DISC1: variants seen among roughly 807,000 people sequenced by gnomAD.
DISC1 encodes the protein DISC1 scaffold protein.
A neutral mutation model predicts 84.5 loss-of-function variants in DISC1; 57 were observed. The observed-to-expected ratio is 0.67, with a 90% CI of 0.55 to 0.84. The LOEUF (loss-of-function observed/expected upper bound fraction) is 0.84. DISC1 is among the 40% of genes least tolerant of loss of function. The pLI is 0.00. For synonymous variants in DISC1, 411 were observed against 415.2 expected, an observed-to-expected ratio of 0.99 and a Z score of 0.12; for missense variants, 1,000 against 1,057.8, an observed-to-expected ratio of 0.95 and a Z score of 0.76.
At chr1:231,791,594 T>C (rs1335473138) in intron 6 of DISC1, among the ~76,000 whole-genome samples, 1 of 152,214 alleles carries the variant, frequency 6.6e-6, no homozygotes, top group African/African-American at 2.4e-5. Context: ...AAGATACTCA[T>C]TTGGGTAAAT....
Position 231,800,118 on chromosome 1 carries a change from G to C in DISC1, c.1700G>C (p.Ser567Thr). ...LKEITTKVCM[S>T]EKFCSTLRKK... ...TTTCTCTCCCCCTAGGTGTGTATGA[G>C]TGAGAAATTCTGCAGCACCCTGAGG... The change falls in exon 8 of 13, where the codon AGT becomes ACT. Residue 567 changes from serine to threonine, a missense_variant. Transcript: ENST00000439617. 1 of 1,611,022 alleles carries C rather than the reference G, an allele frequency of 6.2e-7. No homozygotes were observed. Among genetic ancestry groups the C allele is most frequent in the South Asian group, 1.1e-5 (1 of 90,998 alleles).
Position 232,039,632 on chromosome 1 carries a change from T to G in DISC1, c.*2801T>G, listed in dbSNP as rs936714438. 3 of 152,142 alleles carry G rather than the reference T, an allele frequency of 2.0e-5. No individual in the cohort carries two copies. The highest frequency in any genetic ancestry group is 2.9e-5 in the Non-Finnish European group (2 of 68,028). The allele number at this position is 152,142 out of a possible 1,614,324, so 9.4% of individuals were successfully genotyped here. A position where few individuals can be genotyped will look rare whatever the true frequency, so the allele number is the denominator to read the frequency against. On this transcript the variant is annotated 3_prime_UTR_variant, in exon 13 of 13. Transcript: ENST00000439617. ...CCTTCTCAGGACAAGCCCACTGTCTTAAGCCACTTTGACCCTGGGAGACAC... is the reference window on the plus strand; with the variant it reads ...CCTTCTCAGGACAAGCCCACTGTCTGAAGCCACTTTGACCCTGGGAGACAC...
rs201177909 is a variant in DISC1, at chr1:232,031,266, TAAAG to T, written c.2425+4722_2425+4725del. ...GGAAGGAAGGAAGGAGAAAGAAAGA[TAAAG>T]AAAGAAAAAGAAAGAAAAGAGGAAG... is the stretch of plus-strand genomic sequence containing the variant. On this transcript the variant is annotated intron_variant, in intron 12 of 12. Coordinates refer to ENST00000439617, the MANE Select transcript of DISC1 (RefSeq NM_018662.3). This position sits in a 1 kb window ranked among gnomAD's most constrained non-coding sequence, Gnocchi z 4.6. 0.028 allele frequency among the ~76,000 whole-genome samples: 2,949 copies of T among 104,602 alleles called. 40 individuals carry two copies. The highest frequency in any genetic ancestry group is 0.071 in the South Asian group (251 of 3,532). The allele number at this position is 104,602 out of a possible 152,430, so 68.6% of individuals were successfully genotyped here.
intron 3 of DISC1, among the ~76,000 whole-genome samples, chr1:231,735,240 T>G (rs1363423252): frequency 6.6e-6 from 1 of 152,238 alleles, no homozygotes; most frequent in African/African-American, 2.4e-5. Context: ...ATTTATCTTG[T>G]AATATTAAAA....
At chr1:231,803,154 G>C (rs923495139) in intron 8 of DISC1, among the ~76,000 whole-genome samples, 3 of 152,206 alleles carry the variant, frequency 2.0e-5, no homozygotes, top group African/African-American at 4.8e-5. Context: ...CCACACCCAA[G>C]ACGGTGCATA....
At chr1:231,875,295 G>T (rs1293210855) in intron 9 of DISC1, among the ~76,000 whole-genome samples, 1 of 152,198 alleles carries the variant, frequency 6.6e-6, no homozygotes, top group East Asian at 1.9e-4. Context: ...GCCCTGGTGA[G>T]TGAAGGCCAC....
At chr1:231,656,997 A>G (rs1382041921) in intron 1 of DISC1, among the ~76,000 whole-genome samples, 2 of 152,242 alleles carry the variant, frequency 1.3e-5, no homozygotes, top group East Asian at 1.9e-4. Flanking sequence ...ATAGTATTCC[A>G]TAGTGTATAT....
chr1:231,724,841 G>A (rs1019935180), intron 3 of DISC1, among the ~76,000 whole-genome samples: 1 of 152,204 alleles, frequency 6.6e-6, no homozygotes, highest in Admixed American at 6.5e-5. Context: ...AGTTGTCAGG[G>A]TGGTTCTGAG....
At chr1:231,959,475 G>A (rs966208334) in intron 10 of DISC1, 14 of 985,428 alleles carry the variant, frequency 1.4e-5, no homozygotes, top group African/African-American at 1.7e-5. Flanking sequence ...CCTAATTAAG[G>A]CAACAAGTAC....
At chr1:231,721,854 C>T (rs1198447582) in intron 3 of DISC1, among the ~76,000 whole-genome samples, 3 of 152,094 alleles carry the variant, frequency 2.0e-5, no homozygotes, top group South Asian at 4.1e-4. Context: ...AACAAAAATT[C>T]TTGAAAAGCA....
chr1:231,821,494 C>G (rs1331341870), intron 9 of DISC1, among the ~76,000 whole-genome samples: 1 of 152,188 alleles, frequency 6.6e-6, no homozygotes, highest in Non-Finnish European at 1.5e-5. Flanking sequence ...TGTGCTTTAA[C>G]TCCTGTCAGC....
rs1000040600 is a variant in DISC1, at chr1:231,630,076, G to T, written c.67+3142G>T. Reference sequence around the variant, plus strand: ...CCTCTCGAGTAGTGGGATTACAGGCGCCCACCACCACATCCAGCTAATTTT... The same window carrying T: ...CCTCTCGAGTAGTGGGATTACAGGCTCCCACCACCACATCCAGCTAATTTT... On this transcript the variant is annotated intron_variant, in intron 1 of 12. Transcript: ENST00000439617. The surrounding 1 kb of genome is among the most constrained non-coding windows in gnomAD (Gnocchi z 4.4). Among the ~76,000 whole-genome samples the T allele has an allele frequency of 1.3e-5, 2 of 151,996 alleles. No homozygotes were observed. Among genetic ancestry groups the T allele is most frequent in the African/African-American group, 4.8e-5 (2 of 41,382 alleles).
chr1:231,689,101 C>A (rs1187775085), intron 1 of DISC1, among the ~76,000 whole-genome samples: 1 of 152,198 alleles, frequency 6.6e-6, no homozygotes, highest in Non-Finnish European at 1.5e-5. Flanking sequence ...AGATCTTACA[C>A]CCCAACCATG....
chr1:231,886,766 C>CTTA (rs2086723179), intron 9 of DISC1, among the ~76,000 whole-genome samples: 3 of 84,432 alleles, frequency 3.6e-5, no homozygotes, highest in African/African-American at 1.4e-4. Context: ...TTCCTTCCTT[C>CTTA]CTTTCTTTCT....
chr1:231,765,762 C>G (rs2076126373), intron 4 of DISC1, among the ~76,000 whole-genome samples: 1 of 152,160 alleles, frequency 6.6e-6, no homozygotes, highest in Non-Finnish European at 1.5e-5. Context: ...TATGTCAACT[C>G]CGGCAAGAAT....
chr1:231,972,398 G>C (rs1308210970), intron 10 of DISC1, among the ~76,000 whole-genome samples: 1 of 152,170 alleles, frequency 6.6e-6, no homozygotes, highest in Non-Finnish European at 1.5e-5. Context: ...TGACTATGAA[G>C]CCTTTCAACT....
At chr1:231,631,702 TTGTGTTTTAAGC>T (rs1010483314) in intron 1 of DISC1, among the ~76,000 whole-genome samples, 171 of 152,040 alleles carry the variant, frequency 1.1e-3, no homozygotes, top group African/African-American at 3.8e-3. Flanking sequence ...CACAATGTAT[TTGTGTTTTAAGC>T]TGTGTTTTTA....
In DISC1 at chr1:231,800,170, A is replaced by G. The variant is rs2079113757; in HGVS notation, c.1752A>G (p.Gln584=). Reference sequence around the variant, plus strand: ...AGAAAGTTAACGATATTGAAACCCAACTACCAGCCTTGCTTGAAGCCAAAA... The same window carrying G: ...AGAAAGTTAACGATATTGAAACCCAGCTACCAGCCTTGCTTGAAGCCAAAA... ...LRKKVNDIET[Q]LPALLEAKMH... The change falls in exon 8 of 13, where the codon CAA becomes CAG. Residue 584 remains glutamine, a synonymous_variant. Transcript: ENST00000439617. 2.5e-6 allele frequency: 4 copies of G among 1,611,902 alleles called. No homozygotes were observed. Among genetic ancestry groups the G allele is most frequent in the African/African-American group, 2.7e-5 (2 of 74,686 alleles).
At chr1:231,869,559 C>T (rs2085305612) in intron 9 of DISC1, among the ~76,000 whole-genome samples, 1 of 151,756 alleles carries the variant, frequency 6.6e-6, no homozygotes, top group African/African-American at 2.4e-5. Flanking sequence ...TGGTGAGGGC[C>T]TCTCTCTCTT....
Sources: gnomAD v4.1 joint callset for allele counts (sites outside exome capture counted in the v4.1 genomes callset) on GRCh38, gnomAD v4.1.1 for gene constraint, Gnocchi (gnomAD v3.1) non-coding constraint, MANE v1.5 for transcripts, NCBI Gene and HGNC (gene_info 2026-07-23, HGNC 2026-07-21) for gene names.